The following TMEM182 variants were observed in gnomAD, a reference collection of about 807,000 sequenced individuals.
TMEM182 encodes the protein transmembrane protein 182.
In TMEM182, 20 loss-of-function variants were observed where a neutral mutation model predicts 26.8. The ratio of observed to expected loss-of-function variants is 0.75; its 90% CI spans 0.53 to 1.09. TMEM182 has a LOEUF of 1.09. Ranked by LOEUF, TMEM182 falls within the 50% of genes least tolerant of loss-of-function variation. TMEM182 has a pLI of 0.00. For missense variants in TMEM182, 277 were observed against 275.5 expected, an observed-to-expected ratio of 1.01 and a Z score of -0.04; for synonymous variants, 109 against 102.2, an observed-to-expected ratio of 1.07 and a Z score of -0.40.
intron 1 of TMEM182, among the ~76,000 whole-genome samples, chr2:102,742,738 C>A (rs1395122920): frequency 1.3e-5 from 2 of 151,994 alleles, no homozygotes; most frequent in African/African-American, 4.8e-5. Flanking sequence ...TTTTCATCAG[C>A]AAACATACAA....
chr2:102,831,237 G>A (rs1303278673), intron 3 of TMEM182, among the ~76,000 whole-genome samples: 1 of 152,164 alleles, frequency 6.6e-6, no homozygotes, highest in Admixed American at 6.5e-5. Flanking sequence ...TGGGATTGCT[G>A]GATCATATGG....
intron 3 of TMEM182, chr2:102,834,480 C>A: frequency 2.1e-6 from 2 of 973,828 alleles, no homozygotes; most frequent in Non-Finnish European, 1.2e-6. Context: ...TGGTCTCCAA[C>A]CCACTTTCAG....
intron 3 of TMEM182, among the ~76,000 whole-genome samples, chr2:102,797,266 C>T (rs145690503): frequency 1.2e-3 from 180 of 152,250 alleles, no homozygotes; most frequent in Middle Eastern, 3.4e-3. Flanking sequence ...CATAGCTAAA[C>T]GAACTTCTTT....
In TMEM182 at chr2:102,762,136, T is replaced by TGG; in HGVS notation, c.-82_-81insGG. The stretch of plus-strand genomic sequence containing the variant: ...AAAATATTATTCTTTTTTTTTTTTT[T>TGG]TTGCTGTTGTTTCTGAGAAACTAGG... On this transcript the variant is annotated 5_prime_UTR_variant, in exon 1 of 5. Transcript: ENST00000412401. 1 of 1,083,776 alleles carries TGG rather than the reference T, an allele frequency of 9.2e-7. No homozygotes were observed. Among genetic ancestry groups the TGG allele is most frequent in the Non-Finnish European group, 1.3e-6 (1 of 759,566 alleles). The allele number at this position is 1,083,776 out of a possible 1,614,324, so 67.1% of individuals were successfully genotyped here.
At chr2:102,781,965 A>G (rs1681185483) in intron 3 of TMEM182, among the ~76,000 whole-genome samples, 1 of 152,186 alleles carries the variant, frequency 6.6e-6, no homozygotes, top group Non-Finnish European at 1.5e-5. Context: ...TAATTTCATC[A>G]GACCTATTTA....
chr2:102,752,486 A>G (rs1225626241), intron 1 of TMEM182, among the ~76,000 whole-genome samples: 1 of 152,208 alleles, frequency 6.6e-6, no homozygotes, highest in African/African-American at 2.4e-5. Flanking sequence ...TCTATGTAGA[A>G]TCTGTGGCAG....
chr2:102,825,796 G>A (rs1027152544), intron 3 of TMEM182, among the ~76,000 whole-genome samples: 1 of 152,162 alleles, frequency 6.6e-6, no homozygotes, highest in East Asian at 1.9e-4. Flanking sequence ...GTCTGGTGGT[G>A]TCAGTCCCAT....
chr2:102,787,311 T>A lies in TMEM182; in HGVS notation c.332-10552T>A, dbSNP rs189394700. ...GATCAGGGTGCCAGCATGGCTGGGTTTGAGCAGGGCTCTCTTCAGGGTTGC... is the reference window on the plus strand; with the variant it reads ...GATCAGGGTGCCAGCATGGCTGGGTATGAGCAGGGCTCTCTTCAGGGTTGC... On this transcript the variant is annotated intron_variant, in intron 3 of 4. Transcript: ENST00000412401. 2.1e-3 allele frequency among the ~76,000 whole-genome samples: 313 copies of A among 152,320 alleles called. 1 individual carries two copies. The highest frequency in any genetic ancestry group is 2.2e-3 in the Non-Finnish European group (152 of 68,022).
chr2:102,776,702 T>TTA (rs1680929615), intron 3 of TMEM182, among the ~76,000 whole-genome samples: 3 of 152,174 alleles, frequency 2.0e-5, no homozygotes, highest in Non-Finnish European at 4.4e-5. Flanking sequence ...GATCGTATGG[T>TTA]GAGAGCATGC....
chr2:102,788,380 C>T (rs1230978177), intron 3 of TMEM182, among the ~76,000 whole-genome samples: 1 of 152,110 alleles, frequency 6.6e-6, no homozygotes, highest in Non-Finnish European at 1.5e-5. Context: ...CAGGGGAGGA[C>T]CTTGGAGCTG....
intron 3 of TMEM182, among the ~76,000 whole-genome samples, chr2:102,767,974 T>G (rs1006572237): frequency 2.6e-5 from 4 of 152,108 alleles, no homozygotes; most frequent in African/African-American, 9.7e-5. Flanking sequence ...CCTCTCTTCC[T>G]TCCTCCTCCT....
In TMEM182 at chr2:102,740,105, T is replaced by G. The variant is rs113194775; in HGVS notation, c.-83+3092T>G. Among the ~76,000 whole-genome samples, 1,225 of 152,310 alleles carry G rather than the reference T, an allele frequency of 8.0e-3. 22 individuals are homozygous for G. The highest frequency in any genetic ancestry group is 0.027 in the African/African-American group (1,117 of 41,556). On this transcript the variant is annotated intron_variant, in intron 1 of 5. Transcript: ENST00000409173. ...GATTGTGAACTGGGAGACTAGATATTATTAAGATGACCATTCTCATTTATG... is the reference window on the plus strand; with the variant it reads ...GATTGTGAACTGGGAGACTAGATATGATTAAGATGACCATTCTCATTTATG...
chr2:102,816,629 C>G lies in TMEM182; in HGVS notation c.*1661C>G, dbSNP rs1056049900. The G allele has an allele frequency of 9.1e-6, 9 of 985,258 alleles. No homozygotes were observed. Among genetic ancestry groups the G allele is most frequent in the Non-Finnish European group, 6.0e-6 (5 of 829,838 alleles). 61.0% of individuals were successfully genotyped at this position (985,258 alleles called of 1,614,324 possible). On this transcript the variant is annotated 3_prime_UTR_variant, in exon 5 of 5. Coordinates refer to ENST00000412401, the MANE Select transcript of TMEM182 (RefSeq NM_144632.5). ...TTTTGTGGTACTTCCCTTTGTCTTT[C>G]ACTGTTTCATTTTTATATTGCTTCA...
rs146311996 is a variant in TMEM182, at chr2:102,815,146, C to T, written c.*178C>T. The T allele has an allele frequency of 2.2e-4, 314 of 1,420,754 alleles. No individual in the cohort carries two copies. In the African/African-American group the frequency reaches 3.8e-3, roughly 17 times the overall value. 88.0% of individuals were successfully genotyped at this position (1,420,754 alleles called of 1,614,324 possible). A position where few individuals can be genotyped will look rare whatever the true frequency, so the allele number is the denominator to read the frequency against. ...GAAGGTCCTAGAATCTCTCCAGACA[C>T]CAGCAAGCCTCTATCTTGTCTAAGT... On this transcript the variant is annotated 3_prime_UTR_variant, in exon 5 of 5. Coordinates refer to ENST00000412401, the MANE Select transcript of TMEM182 (RefSeq NM_144632.5).
intron 1 of TMEM182, among the ~76,000 whole-genome samples, chr2:102,737,927 A>T (rs1679408443): frequency 6.6e-6 from 1 of 152,154 alleles, no homozygotes; most frequent in Admixed American, 6.5e-5. Context: ...TAATTCTGAG[A>T]TCTGTTAAAT....
upstream of TMEM182, among the ~76,000 whole-genome samples, chr2:102,760,140 A>G (rs1189106112): frequency 6.6e-6 from 1 of 152,214 alleles, no homozygotes; most frequent in Non-Finnish European, 1.5e-5. Flanking sequence ...AAATTGTAGG[A>G]AAAAACCAGA....
At chr2:102,835,944 G>A (rs368244241) in intron 3 of TMEM182, among the ~76,000 whole-genome samples, 4 of 150,640 alleles carry the variant, frequency 2.7e-5, no homozygotes, top group African/African-American at 7.3e-5. Context: ...GAGAACATGC[G>A]GTGTTTGGTT....
intron 3 of TMEM182, among the ~76,000 whole-genome samples, chr2:102,833,371 C>A (rs1388456510): frequency 1.3e-5 from 2 of 152,186 alleles, no homozygotes; most frequent in Non-Finnish European, 2.9e-5. Context: ...GTTCTAATTT[C>A]TCCCTGGAAT....
chr2:102,778,773 T>G (rs1681037070), intron 3 of TMEM182, among the ~76,000 whole-genome samples: 1 of 152,128 alleles, frequency 6.6e-6, no homozygotes, highest in Non-Finnish European at 1.5e-5. Context: ...TTCTTTATGT[T>G]CCTTTACCCT....
Sources: allele counts gnomAD v4.1 joint callset (sites outside exome capture counted in the v4.1 genomes callset), GRCh38; gene constraint gnomAD v4.1.1; transcripts MANE v1.5; gene names NCBI Gene and HGNC (gene_info 2026-07-23, HGNC 2026-07-21).